The following SAMD5 variants were observed in gnomAD, a reference collection of about 807,000 sequenced individuals.
The protein encoded by SAMD5 is sterile alpha motif domain-containing protein 5.
A neutral mutation model predicts 11.3 loss-of-function variants in SAMD5; 13 were observed. That is an observed-to-expected ratio of 1.15 (90% CI 0.75 to 1.83). The LOEUF (loss-of-function observed/expected upper bound fraction) is 1.83, where lower values mean the gene tolerates loss of function less well. SAMD5 is among the 40% of genes most tolerant of loss of function. The probability of loss-of-function intolerance (pLI) is 0.00; values close to 1 mark genes in which losing one functional copy is unlikely to be tolerated. For missense variants in SAMD5, 255 were observed against 239.1 expected, an observed-to-expected ratio of 1.07 and a Z score of -0.44; for synonymous variants, 129 against 111.3, an observed-to-expected ratio of 1.16 and a Z score of -1.00.
At chr6:147,748,995 A>G in the SAMD5 span, among the ~76,000 whole-genome samples, 1 of 152,200 alleles carries the variant, frequency 6.6e-6, no homozygotes, top group Non-Finnish European at 1.5e-5. Context: ...TTAAAGGCTA[A>G]GGGCCTTCTC....
the SAMD5 span, among the ~76,000 whole-genome samples, chr6:147,868,156 G>A: frequency 2.3e-4 from 35 of 152,296 alleles, no homozygotes; most frequent in African/African-American, 8.4e-4. Flanking sequence ...GAAAGAATAT[G>A]GAGCAGATGA....
intron 1 of SAMD5, among the ~76,000 whole-genome samples, chr6:147,722,679 A>C (rs1219636900): frequency 6.6e-6 from 1 of 152,224 alleles, no homozygotes; most frequent in Non-Finnish European, 1.5e-5. Context: ...AACTTAATGA[A>C]GACAAAGGCT....
At chr6:147,623,607 C>T (rs1019361716) in intron 1 of SAMD5, among the ~76,000 whole-genome samples, 2 of 152,260 alleles carry the variant, frequency 1.3e-5, no homozygotes, top group African/African-American at 2.4e-5. Flanking sequence ...AATAATATAA[C>T]CCAGCAGATA....
chr6:147,745,163 C>T, the SAMD5 span, among the ~76,000 whole-genome samples: 19 of 152,058 alleles, frequency 1.2e-4, no homozygotes, highest in Admixed American at 5.9e-4. Context: ...AATGAAATTA[C>T]GCCTAGAATT....
intron 1 of SAMD5, among the ~76,000 whole-genome samples, chr6:147,587,141 G>T (rs1789385376): frequency 6.6e-6 from 1 of 152,076 alleles, no homozygotes; most frequent in Non-Finnish European, 1.5e-5. Flanking sequence ...TTTCCAGAGG[G>T]TAAGGACCAT....
At chr6:147,542,207 G>GAGTCCCC (rs1019015493) in intron 1 of SAMD5, among the ~76,000 whole-genome samples, 18 of 152,298 alleles carry the variant, frequency 1.2e-4, no homozygotes, top group Admixed American at 2.0e-4. Flanking sequence ...GAGAGTACCA[G>GAGTCCCC]AGTCCCCAGT....
the SAMD5 span, among the ~76,000 whole-genome samples, chr6:147,897,549 T>C: frequency 6.6e-6 from 1 of 152,170 alleles, no homozygotes; most frequent in Non-Finnish European, 1.5e-5. Flanking sequence ...ATCAAGGTCA[T>C]GACCCAGCAA....
intron 1 of SAMD5, among the ~76,000 whole-genome samples, chr6:147,582,351 A>C (rs549438546): frequency 1.3e-5 from 2 of 151,396 alleles, no homozygotes; most frequent in Non-Finnish European, 3.0e-5. Context: ...AAAAAAAGGA[A>C]AGGATGGGTG....
chr6:147,835,736 G>A, the SAMD5 span, among the ~76,000 whole-genome samples: 1 of 152,126 alleles, frequency 6.6e-6, no homozygotes, highest in Non-Finnish European at 1.5e-5. Context: ...GAGGGAGACT[G>A]GAGAGAAGCA....
the SAMD5 span, among the ~76,000 whole-genome samples, chr6:147,840,896 A>G: frequency 4.6e-4 from 70 of 152,356 alleles, no homozygotes; most frequent in African/African-American, 1.6e-3. Context: ...ATGCTCCATG[A>G]TTGACCAGGG....
At chr6:147,744,899 C>CAATAAATA in the SAMD5 span, among the ~76,000 whole-genome samples, 1,238 of 137,358 alleles carry the variant, frequency 9.0e-3, 5 homozygotes, top group Middle Eastern at 0.036. Flanking sequence ...CTCTGTCTCA[C>CAATAAATA]AATAAATAAA....
At chr6:147,803,345 C>T in the SAMD5 span, among the ~76,000 whole-genome samples, 2 of 152,168 alleles carry the variant, frequency 1.3e-5, no homozygotes, top group African/African-American at 2.4e-5. Flanking sequence ...TTCACTCTCT[C>T]GCCTCTGTCC....
chr6:147,669,170 T>C (rs1790761769), intron 1 of SAMD5, among the ~76,000 whole-genome samples: 1 of 152,116 alleles, frequency 6.6e-6, no homozygotes, highest in African/African-American at 2.4e-5. Flanking sequence ...GTGATAGCAT[T>C]TTACTCACAA....
chr6:147,676,738 A>T (rs1790868376), intron 1 of SAMD5, among the ~76,000 whole-genome samples: 2 of 151,796 alleles, frequency 1.3e-5, no homozygotes, highest in South Asian at 4.2e-4. Context: ...GACCTTGAAG[A>T]AGCGATAGAA....
chr6:147,765,869 A>T, the SAMD5 span, among the ~76,000 whole-genome samples: 1 of 152,172 alleles, frequency 6.6e-6, no homozygotes, highest in African/African-American at 2.4e-5. Flanking sequence ...AATAGTGAAA[A>T]ACCTCAGTTG....
the SAMD5 span, among the ~76,000 whole-genome samples, chr6:147,892,366 G>A: frequency 6.6e-6 from 1 of 152,186 alleles, no homozygotes; most frequent in Admixed American, 6.5e-5. Flanking sequence ...TTCACTGATT[G>A]TGAATTTCTT....
the SAMD5 span, among the ~76,000 whole-genome samples, chr6:147,884,148 A>G: frequency 6.6e-6 from 1 of 152,154 alleles, no homozygotes; most frequent in South Asian, 2.1e-4. Context: ...TCTCCTTACA[A>G]TAGAGAGTAC....
intron 1 of SAMD5, among the ~76,000 whole-genome samples, chr6:147,636,179 GT>G (rs2128451834): frequency 1.3e-5 from 2 of 152,240 alleles, no homozygotes; most frequent in East Asian, 3.9e-4. Flanking sequence ...AATCTGGTAA[GT>G]GCCCTAGCAG....
the SAMD5 span, among the ~76,000 whole-genome samples, chr6:147,779,262 G>C: frequency 6.6e-6 from 1 of 151,990 alleles, no homozygotes; most frequent in Non-Finnish European, 1.5e-5. Context: ...CCTTGAAACT[G>C]CTGCTAGTTT....
Sources: allele counts gnomAD v4.1 joint callset (sites outside exome capture counted in the v4.1 genomes callset), GRCh38; gene constraint gnomAD v4.1.1; transcripts MANE v1.5; gene names NCBI Gene and HGNC (gene_info 2026-07-23, HGNC 2026-07-21).